The following SPATA4 variants were observed in gnomAD, a reference collection of about 807,000 sequenced individuals.
The protein encoded by SPATA4 is spermatogenesis-associated protein 4.
SPATA4 carries 35 observed loss-of-function variants against 31.8 expected under a neutral mutation model. The ratio of observed to expected loss-of-function variants is 1.10; its 90% CI spans 0.84 to 1.46. SPATA4 has a LOEUF of 1.46. Ranked by LOEUF, SPATA4 falls within the 40% of genes most tolerant of loss-of-function variation. SPATA4 has a pLI of 0.00. For missense variants in SPATA4, 394 were observed against 363.1 expected, an observed-to-expected ratio of 1.09 and a Z score of -0.69; for synonymous variants, 126 against 132.4, an observed-to-expected ratio of 0.95 and a Z score of 0.33.
chr4:176,188,076 G>T, intron 5 of SPATA4, 43 bp downstream of exon 5: 1 of 1,409,208 alleles, frequency 7.1e-7, no homozygotes, highest in Non-Finnish European at 1.0e-6. Context: ...AGAAAGTCAA[G>T]CAAAAAAAAA....
intron 1 of SPATA4, 113 bp downstream of exon 1, chr4:176,195,232 G>A: frequency 1.1e-6 from 1 of 898,282 alleles, no homozygotes; most frequent in South Asian, 1.5e-5. Context: ...TGGGTGGGGG[G>A]GTCTTGATTT....
rs762935400 is a variant in SPATA4, at chr4:176,192,799, G to A, written c.516C>T (p.Tyr172=). The A allele has an allele frequency of 6.2e-7, 1 of 1,614,088 alleles. No homozygotes were observed. ...TGGAAACCAGGGGTAAACGCATCTGGTAGCTATAGTCCGTGAAATTCACAA... is the reference window on the plus strand; with the variant it reads ...TGGAAACCAGGGGTAAACGCATCTGATAGCTATAGTCCGTGAAATTCACAA... ...DDFVNFTDYS[Y]QMRLPLVSRS... is the part of the protein sequence containing the mutation. The change falls in exon 4 of 6, where the codon TAC becomes TAT. Residue 172 remains tyrosine, a synonymous_variant. Transcript: ENST00000280191.
chr4:176,192,235 A>T (rs1485304225), intron 4 of SPATA4, among the ~76,000 whole-genome samples: 1 of 152,180 alleles, frequency 6.6e-6, no homozygotes, highest in Non-Finnish European at 1.5e-5. Flanking sequence ...AAAGGATAAC[A>T]TTGTCCACAC....
At chr4:176,193,353 A>C in intron 2 of SPATA4, 100 bp downstream of exon 2, 2 of 1,413,802 alleles carry the variant, frequency 1.4e-6, no homozygotes, top group Non-Finnish European at 1.9e-6. Context: ...ACTCAGTATC[A>C]CACAGTCACA....
intron 1 of SPATA4, chr4:176,194,970 C>G (rs565807932): frequency 4.7e-6 from 1 of 211,288 alleles, no homozygotes; most frequent in African/African-American, 2.3e-5. Flanking sequence ...CTCCTGACCT[C>G]AGGTGATCCG....
chr4:176,186,571 T>C (rs1752444372), intron 5 of SPATA4, among the ~76,000 whole-genome samples: 1 of 152,218 alleles, frequency 6.6e-6, no homozygotes, highest in Non-Finnish European at 1.5e-5. Context: ...AACATTGTTA[T>C]CCACTTCCGT....
chr4:176,193,348 G>A (rs1199394303), intron 2 of SPATA4, 105 bp downstream of exon 2: 2 of 1,383,222 alleles, frequency 1.4e-6, no homozygotes, highest in South Asian at 1.4e-5. Flanking sequence ...TGCCAACTCA[G>A]TATCACACAG....
At chr4:176,193,167 A>G (rs1470358734) in intron 2 of SPATA4, 91 bp from the exon 3 acceptor site, 2 of 890,438 alleles carry the variant, frequency 2.2e-6, no homozygotes, top group Non-Finnish European at 3.5e-6. Flanking sequence ...CCTTTTATTT[A>G]CCTATGAAGT....
intron 4 of SPATA4, 92 bp downstream of exon 4, chr4:176,192,526 GAAGATAGCA>G (rs1752546290): frequency 1.1e-6 from 1 of 903,850 alleles, no homozygotes; most frequent in Non-Finnish European, 1.7e-6. Context: ...ACCAGTTACA[GAAGATAGCA>G]AAATGGGCCA....
In SPATA4 at chr4:176,184,832, T is replaced by G; in HGVS notation, c.866A>C (p.His289Pro). Residue 289 changes from histidine (H) to proline (P), a missense_variant, in exon 6 of 6, where the codon CAT becomes CCT. Physicochemically the swap from His to Pro is moderately conservative, Grantham distance 77 (BLOSUM62 -2). Transcript: ENST00000280191. ...AGGTTTCATAGCAGAGTAATAAGAA[T>G]GTTGTCCAGCTTGCTTCACATGTAT... is the stretch of plus-strand genomic sequence containing the variant. ...REIHVKQAGQ[H>P]SYYSAMKPIR... 1 of 1,604,722 alleles carries G rather than the reference T, an allele frequency of 6.2e-7. No individual in the cohort carries two copies. The highest frequency in any genetic ancestry group is 8.5e-7 in the Non-Finnish European group (1 of 1,175,718).
chr4:176,192,894 T>G, intron 3 of SPATA4, 47 bp from the exon 4 acceptor site: 1 of 1,593,908 alleles, frequency 6.3e-7, no homozygotes, highest in Non-Finnish European at 8.6e-7. Context: ...ATTTTAGCAA[T>G]GAGTTTTATA....
At chr4:176,193,813 G>A (rs1752571278) in intron 1 of SPATA4, 1 of 330,348 alleles carries the variant, frequency 3.0e-6, no homozygotes, top group Non-Finnish European at 5.4e-6. Context: ...TATTGAATCC[G>A]CATTTCAAGA....
Position 176,192,663 on chromosome 4 carries a change from T to TA in SPATA4, c.651dup (p.Met218TyrfsTer16). 1 of 1,614,062 alleles carries TA rather than the reference T, an allele frequency of 6.2e-7. No homozygotes were observed. The highest frequency in any genetic ancestry group is 8.5e-7 in the Non-Finnish European group (1 of 1,179,968). ...TTTCTGCCTAATTTTCTTTGCAACATATGTAAAAGGATGAGGAACTCCGCT... is the reference window on the plus strand; with the variant it reads ...TTTCTGCCTAATTTTCTTTGCAACATAATGTAAAAGGATGAGGAACTCCGCT... On this transcript the variant is annotated frameshift_variant, in exon 4 of 6. Coordinates refer to ENST00000280191, the MANE Select transcript of SPATA4 (RefSeq NM_144644.4). LOFTEE classifies it high-confidence loss of function.
At chr4:176,189,572 A>C (rs570473752) in intron 4 of SPATA4, among the ~76,000 whole-genome samples, 67 of 152,336 alleles carry the variant, frequency 4.4e-4, no homozygotes, top group African/African-American at 1.5e-3. Context: ...TACTTCATAG[A>C]AGAACAAATT....
chr4:176,193,082 A>G lies in SPATA4; in HGVS notation c.349-6T>C, dbSNP rs369550866. The G allele has an allele frequency of 4.7e-5, 71 of 1,500,374 alleles. No homozygotes were observed. Among genetic ancestry groups the G allele is most frequent in the Non-Finnish European group, 5.7e-5 (63 of 1,097,450 alleles). The allele number at this position is 1,500,374 out of a possible 1,614,324, so 92.9% of individuals were successfully genotyped here. On this transcript the variant is annotated splice_polypyrimidine_tract_variant and splice_region_variant and intron_variant, in intron 2 of 5. Transcript: ENST00000280191. ...AATTTTTTTCTTGCCAGGAACTTTA[A>G]TAGTAGAAAGAAAATGTTTTTATCA...
chr4:176,195,470 G>A lies in SPATA4; in HGVS notation c.93C>T (p.Pro31=), dbSNP rs1752605116. 22 of 1,614,274 alleles carry A rather than the reference G, an allele frequency of 1.4e-5. No homozygotes were observed. Among genetic ancestry groups the A allele is most frequent in the Non-Finnish European group, 1.9e-5 (22 of 1,180,050 alleles). The change falls in exon 1 of 6, where the codon CCC becomes CCT. Residue 31 remains proline, a synonymous_variant. Transcript: ENST00000280191. ...SPSLSPQLAA[P]IRGRPKKCLV... is the part of the protein sequence containing the mutation. ...GACACTTCTTAGGCCTCCCTCGGAT[G>A]GGAGCTGCTAGCTGTGGCGAAAGTG...
chr4:176,192,414 A>G lies in SPATA4; in HGVS notation c.688+213T>C, dbSNP rs542313136. On this transcript the variant is annotated intron_variant, in intron 4 of 5. Transcript: ENST00000280191. ...CGTTTCTAAAAAGAAGTGTCTGTAT[A>G]CTGTGTTAACTTATGCCTTCACCAA... 1.1e-4 allele frequency among the ~76,000 whole-genome samples: 16 copies of G among 152,356 alleles called. 1 individual carries two copies. The highest frequency in any genetic ancestry group is 6.2e-4 in the South Asian group (3 of 4,832).
chr4:176,194,071 A>C (rs1206950915), intron 1 of SPATA4: 2 of 154,690 alleles, frequency 1.3e-5, no homozygotes, highest in African/African-American at 4.8e-5. Context: ...GTTGCCTAGG[A>C]TGTGAGTCCT....
chr4:176,184,967 A>T, intron 5 of SPATA4, 75 bp from the exon 6 acceptor site: 1 of 806,894 alleles, frequency 1.2e-6, no homozygotes, highest in Non-Finnish European at 2.0e-6. Flanking sequence ...AACATGTCTA[A>T]TGTATCAAAT....
Sources: gnomAD v4.1 joint callset for allele counts (sites outside exome capture counted in the v4.1 genomes callset) on GRCh38, gnomAD v4.1.1 for gene constraint, MANE v1.5 for transcripts, NCBI Gene and HGNC (gene_info 2026-07-23, HGNC 2026-07-21) for gene names.